PDE4D: variants seen among roughly 807,000 people sequenced by gnomAD.
PDE4D encodes 3',5'-cyclic-AMP phosphodiesterase 4D.
In PDE4D, 24 loss-of-function variants were observed where a neutral mutation model predicts 87.4. That is an observed-to-expected ratio of 0.27 (90% CI 0.20 to 0.39). The LOEUF is 0.39. Among genes scored for constraint, PDE4D ranks in the 10% least tolerant of loss-of-function variants. The pLI is 1.00. For synonymous variants in PDE4D, 384 were observed against 383.2 expected (o/e 1.00, Z -0.02); for missense variants, 714 against 1,041.0 (o/e 0.69, Z 4.32).
intron 1 of PDE4D, among the ~76,000 whole-genome samples, chr5:59,577,348 T>C (rs1314945710): frequency 2.6e-5 from 4 of 152,100 alleles, no homozygotes; most frequent in East Asian, 1.9e-4. Context: ...GGATATTCCA[T>C]AGGAGAGGCC....
intron 1 of PDE4D, among the ~76,000 whole-genome samples, chr5:59,502,276 A>G (rs757615542): frequency 2.2e-4 from 33 of 152,276 alleles, no homozygotes; most frequent in South Asian, 8.3e-4. Flanking sequence ...CCATTAACAG[A>G]TAAGTCTTTC....
chr5:59,597,010 C>A (rs760498908), intron 1 of PDE4D, among the ~76,000 whole-genome samples: 6 of 152,060 alleles, frequency 3.9e-5, no homozygotes, highest in Non-Finnish European at 7.4e-5. Context: ...GATTGTATGG[C>A]CCCAAAGAGA....
chr5:59,147,400 T>TA (rs1242177935), intron 5 of PDE4D, among the ~76,000 whole-genome samples: 1 of 152,194 alleles, frequency 6.6e-6, no homozygotes, highest in Non-Finnish European at 1.5e-5. Context: ...AAGATTTTTT[T>TA]TAAAAAAAAC....
At chr5:60,516,455 G>T (rs1036634407) in intron 1 of PDE4D, among the ~76,000 whole-genome samples, 2 of 152,158 alleles carry the variant, frequency 1.3e-5, no homozygotes, top group African/African-American at 4.8e-5. Flanking sequence ...TTAGCAATTT[G>T]CTCTCCCATC....
Position 60,303,827 on chromosome 5 carries a change from AGTT to A in PDE4D, c.-89-118143_-89-118141del, listed in dbSNP as rs1172897090. ...ATCAGGTCTGCTTGATCCAGAGCTG[AGTT>A]CAGGTTCTGAATATCTTTGTTAATT... On this transcript the variant is annotated intron_variant, in intron 1 of 16. Coordinates refer to the PDE4D transcript ENST00000502484. 2.0e-5 allele frequency among the ~76,000 whole-genome samples: 3 copies of A among 152,276 alleles called. No individual in the cohort carries two copies. In the East Asian group the frequency reaches 5.8e-4, roughly 29 times the overall value.
At chr5:59,247,526 A>G (rs942024765) in intron 1 of PDE4D, among the ~76,000 whole-genome samples, 7 of 152,172 alleles carry the variant, frequency 4.6e-5, no homozygotes, top group African/African-American at 1.7e-4. Context: ...TTACATTGAT[A>G]AAATTTGCTG....
chr5:60,315,886 G>A (rs1755533205), intron 1 of PDE4D, among the ~76,000 whole-genome samples: 1 of 152,120 alleles, frequency 6.6e-6, no homozygotes. Context: ...TTTGGTGACT[G>A]TAGCCTTGTA....
intron 1 of PDE4D, among the ~76,000 whole-genome samples, chr5:59,610,957 A>G (rs1828923746): frequency 6.6e-6 from 1 of 152,180 alleles, no homozygotes; most frequent in Non-Finnish European, 1.5e-5. Flanking sequence ...AGTGGGAAGA[A>G]ATGGGATCTA....
chr5:59,822,342 A>G (rs1035673136), intron 1 of PDE4D, among the ~76,000 whole-genome samples: 4 of 152,126 alleles, frequency 2.6e-5, no homozygotes, highest in Admixed American at 6.5e-5. Context: ...TAATTTTTAA[A>G]TTTTGTTTTC....
At position 59,250,859 on chromosome 5, in the gene PDE4D, A is replaced by G. The variant is rs1759798642; in HGVS notation, c.456-34891T>C. On this transcript the variant is annotated intron_variant, in intron 1 of 14. Transcript: ENST00000340635. ...GATAGACCAATGGATCAGAATAGAGAGCTCAGAAATAAAACTGCACACCTA... is the reference window on the plus strand; with the variant it reads ...GATAGACCAATGGATCAGAATAGAGGGCTCAGAAATAAAACTGCACACCTA... Among the ~76,000 whole-genome samples the G allele has an allele frequency of 3.3e-5, 5 of 152,110 alleles. No individual in the cohort carries two copies. The South Asian group carries it at 1.0e-3, about 32-fold the overall frequency.
At chr5:59,201,253 A>G (rs115822809) in intron 2 of PDE4D, among the ~76,000 whole-genome samples, 543 of 152,268 alleles carry the variant, frequency 3.6e-3, no homozygotes, top group African/African-American at 0.013. Context: ...ATGCTACATG[A>G]GAAACTGGGC....
intron 1 of PDE4D, among the ~76,000 whole-genome samples, chr5:59,370,009 T>A (rs1783697756): frequency 6.6e-6 from 1 of 152,176 alleles, no homozygotes; most frequent in Non-Finnish European, 1.5e-5. Flanking sequence ...TCTCTTTTTC[T>A]CTCACTCTAT....
At chr5:59,111,876 G>A (rs1211954837) in intron 5 of PDE4D, among the ~76,000 whole-genome samples, 2 of 152,218 alleles carry the variant, frequency 1.3e-5, no homozygotes, top group African/African-American at 4.8e-5. Context: ...GCATGGCTGA[G>A]GCACTGTTGT....
rs146445332 is a variant in PDE4D, at chr5:59,330,733, T to C, written c.456-114765A>G. 5.3e-5 allele frequency among the ~76,000 whole-genome samples: 8 copies of C among 152,316 alleles called. No homozygotes were observed. In the East Asian group the frequency reaches 7.7e-4, roughly 15 times the overall value. On this transcript the variant is annotated intron_variant, in intron 1 of 14. Transcript: ENST00000340635. Reference sequence around the variant, plus strand: ...CTTTCTCTGACATTGAAATTTCATATGTAGACTAAATTGAACAATTTGGTT... The same window carrying C: ...CTTTCTCTGACATTGAAATTTCATACGTAGACTAAATTGAACAATTTGGTT...
chr5:60,200,273 G>T (rs1260358740), intron 1 of PDE4D, among the ~76,000 whole-genome samples: 1 of 151,562 alleles, frequency 6.6e-6, no homozygotes, highest in Non-Finnish European at 1.5e-5. Context: ...ATCATCACAA[G>T]ATTACATGGC....
chr5:59,198,663 T>C (rs1047212492), intron 2 of PDE4D, among the ~76,000 whole-genome samples: 2 of 152,172 alleles, frequency 1.3e-5, no homozygotes, highest in African/African-American at 4.8e-5. Flanking sequence ...GGCTCAACAG[T>C]ATACTATTGT....
intron 5 of PDE4D, among the ~76,000 whole-genome samples, chr5:59,129,891 A>G (rs1232242440): frequency 6.6e-6 from 1 of 152,192 alleles, no homozygotes; most frequent in Non-Finnish European, 1.5e-5. Context: ...TTGCAGGGTT[A>G]TTGAAAGGGT....
chr5:59,578,868 A>G (rs1180433074), intron 1 of PDE4D, among the ~76,000 whole-genome samples: 1 of 152,008 alleles, frequency 6.6e-6, no homozygotes, highest in Non-Finnish European at 1.5e-5. Flanking sequence ...TTCCTTAGGG[A>G]CATGCTTCCT....
At chr5:59,981,928 G>A (rs1032150334) in intron 3 of PDE4D, among the ~76,000 whole-genome samples, 14 of 151,772 alleles carry the variant, frequency 9.2e-5, no homozygotes, top group African/African-American at 2.9e-4. Flanking sequence ...TCTCTCTAAC[G>A]TACTGTTTGT....
Sources: gnomAD v4.1 joint callset for allele counts (sites outside exome capture counted in the v4.1 genomes callset) on GRCh38, gnomAD v4.1.1 for gene constraint, MANE v1.5 for transcripts, NCBI Gene and HGNC (gene_info 2026-07-23, HGNC 2026-07-21) for gene names.